RSU1: variants seen among roughly 807,000 people sequenced by gnomAD.
RSU1 encodes rsu-1.
In RSU1, 26 loss-of-function variants were observed where a neutral mutation model predicts 31.1. That is an observed-to-expected ratio of 0.84 (90% confidence interval 0.61 to 1.16). The LOEUF is 1.16. Ranked by LOEUF, RSU1 falls within the 50% of genes most tolerant of loss-of-function variation. The pLI is 0.00. For synonymous variants in RSU1, 164 were observed against 136.3 expected, an observed-to-expected ratio of 1.20 and a Z score of -1.41; for missense variants, 320 against 339.1, an observed-to-expected ratio of 0.94 and a Z score of 0.44.
chr10:16,729,364 C>A (rs1051454811), intron 7 of RSU1, among the ~76,000 whole-genome samples: 1 of 152,152 alleles, frequency 6.6e-6, no homozygotes, highest in Non-Finnish European at 1.5e-5. Flanking sequence ...CTGTGAGTAC[C>A]ATGCTATTGG....
intron 8 of RSU1, among the ~76,000 whole-genome samples, chr10:16,616,371 C>CAAA (rs529296931): frequency 2.7e-3 from 241 of 90,870 alleles, no homozygotes; most frequent in African/African-American, 6.1e-3. Flanking sequence ...GCCTACCAAC[C>CAAA]AAAAAAAAAA....
chr10:16,706,311 T>C (rs1484767352), intron 7 of RSU1, among the ~76,000 whole-genome samples: 3 of 152,228 alleles, frequency 2.0e-5, no homozygotes, highest in African/African-American at 4.8e-5. Context: ...TATGAAATTA[T>C]ATAGCATTGT....
At chr10:16,766,696 CAA>C (rs1249422437) in intron 3 of RSU1, among the ~76,000 whole-genome samples, 1 of 151,152 alleles carries the variant, frequency 6.6e-6, no homozygotes, top group African/African-American at 2.4e-5. Flanking sequence ...GCCTAGGTGA[CAA>C]GAGTACAACT....
intron 8 of RSU1, among the ~76,000 whole-genome samples, chr10:16,600,036 T>G (rs1588667574): frequency 6.6e-6 from 1 of 151,670 alleles, no homozygotes; most frequent in East Asian, 1.9e-4. Context: ...AGAGGAGAAT[T>G]GGGAGATGAT....
intron 3 of RSU1, chr10:16,767,125 C>G (rs1210128528): frequency 6.6e-6 from 1 of 152,190 alleles, no homozygotes; most frequent in Non-Finnish European, 1.5e-5. Flanking sequence ...TACAGCTGCC[C>G]ACAGACCTCA....
At chr10:16,664,253 C>T (rs976136965) in intron 8 of RSU1, among the ~76,000 whole-genome samples, 1 of 152,144 alleles carries the variant, frequency 6.6e-6, no homozygotes, top group Non-Finnish European at 1.5e-5. Flanking sequence ...ATTTTCTGTA[C>T]CCATACCAAA....
At chr10:16,609,049 T>G (rs1030253575) in intron 8 of RSU1, among the ~76,000 whole-genome samples, 35 of 142,060 alleles carry the variant, frequency 2.5e-4, no homozygotes, top group African/African-American at 1.0e-3. Context: ...CCCAGGCTAA[T>G]ATAGAACTCC....
chr10:16,807,690 A>G (rs1838302325), intron 2 of RSU1, among the ~76,000 whole-genome samples: 1 of 152,188 alleles, frequency 6.6e-6, no homozygotes, highest in Non-Finnish European at 1.5e-5. Flanking sequence ...TGGCAGGGCT[A>G]GCCCAATAAC....
At chr10:16,687,344 TC>T (rs1331591799) in intron 8 of RSU1, among the ~76,000 whole-genome samples, 4 of 152,064 alleles carry the variant, frequency 2.6e-5, no homozygotes, top group Non-Finnish European at 5.9e-5. Context: ...ACAAGCACCT[TC>T]CATTTAAAAA....
Position 16,703,421 on chromosome 10 carries a change from C to T in RSU1, c.599-8266G>A, listed in dbSNP as rs561658716. Among the ~76,000 whole-genome samples the T allele has an allele frequency of 2.4e-3, 359 of 152,242 alleles. 2 individuals carry two copies. The highest frequency in any genetic ancestry group is 5.6e-3 in the African/African-American group (231 of 41,532). On this transcript the variant is annotated intron_variant, in intron 7 of 8. Transcript: ENST00000345264. ...TGTAAAAATGTTCATACTGTTTGAC[C>T]TGGTAATTCCACCCTAGTAATAAAT... is the stretch of plus-strand genomic sequence containing the variant.
intron 8 of RSU1, among the ~76,000 whole-genome samples, chr10:16,675,422 T>C (rs1835209625): frequency 6.6e-6 from 1 of 152,170 alleles, no homozygotes; most frequent in African/African-American, 2.4e-5. Flanking sequence ...CTTTTTTTCT[T>C]TTTTAAAGTA....
intron 8 of RSU1, among the ~76,000 whole-genome samples, chr10:16,615,430 T>C (rs1005287497): frequency 6.6e-6 from 1 of 152,130 alleles, no homozygotes; most frequent in Admixed American, 6.5e-5. Flanking sequence ...CACACAATAG[T>C]AGTGGGAGAC....
intron 8 of RSU1, among the ~76,000 whole-genome samples, chr10:16,633,037 T>G (rs909300313): frequency 6.6e-6 from 1 of 152,224 alleles, no homozygotes; most frequent in Non-Finnish European, 1.5e-5. Flanking sequence ...TTTCTCAGCC[T>G]TGGCACTGAG....
At chr10:16,607,383 C>T (rs1219053601) in intron 8 of RSU1, among the ~76,000 whole-genome samples, 1 of 152,156 alleles carries the variant, frequency 6.6e-6, no homozygotes, top group Non-Finnish European at 1.5e-5. Flanking sequence ...TACACCATGT[C>T]AGTGGAAAGC....
At chr10:16,735,680 A>G (rs1248445550) in intron 7 of RSU1, among the ~76,000 whole-genome samples, 10 of 152,130 alleles carry the variant, frequency 6.6e-5, no homozygotes, top group Non-Finnish European at 8.8e-5. Flanking sequence ...GGAAGCAAAC[A>G]TGTCCTTCTT....
chr10:16,699,376 T>C (rs963476649), intron 7 of RSU1, among the ~76,000 whole-genome samples: 1 of 152,156 alleles, frequency 6.6e-6, no homozygotes, highest in Non-Finnish European at 1.5e-5. Flanking sequence ...TTAATATAAT[T>C]AGAGTAAAGC....
At chr10:16,804,827 G>A (rs928013103) in intron 2 of RSU1, among the ~76,000 whole-genome samples, 4 of 152,204 alleles carry the variant, frequency 2.6e-5, no homozygotes, top group Non-Finnish European at 4.4e-5. Context: ...GGTAGATAAT[G>A]AGGGAGAGGG....
intron 3 of RSU1, among the ~76,000 whole-genome samples, chr10:16,766,932 G>A (rs1421127391): frequency 6.6e-6 from 1 of 151,486 alleles, no homozygotes; most frequent in East Asian, 1.9e-4. Flanking sequence ...AGCTGAGGCA[G>A]GAGAATCGCT....
chr10:16,685,931 G>A (rs547372115), intron 8 of RSU1, among the ~76,000 whole-genome samples: 1 of 152,158 alleles, frequency 6.6e-6, no homozygotes, highest in Non-Finnish European at 1.5e-5. Flanking sequence ...TGCAAACACA[G>A]TAGAACAAAA....
Sources: allele counts gnomAD v4.1 joint callset (sites outside exome capture counted in the v4.1 genomes callset), GRCh38; gene constraint gnomAD v4.1.1; transcripts MANE v1.5; gene names NCBI Gene and HGNC (gene_info 2026-07-23, HGNC 2026-07-21).